The following POGLUT1 variants were observed in gnomAD, a reference collection of about 807,000 sequenced individuals.
POGLUT1 encodes the protein 9630046K23Rik.
A neutral mutation model predicts 61.3 loss-of-function variants in POGLUT1; 32 were observed. The observed-to-expected ratio is 0.52, with a 90% CI of 0.39 to 0.70. POGLUT1 has a LOEUF of 0.70. Among genes scored for constraint, POGLUT1 ranks in the 30% least tolerant of loss-of-function variants. The probability of loss-of-function intolerance (pLI) is 0.00; values close to 1 mark genes in which losing one functional copy is unlikely to be tolerated. For missense variants in POGLUT1, 411 were observed against 469.8 expected (o/e 0.87, Z 1.16); for synonymous variants, 158 against 158.2 (o/e 1.00, Z 0.01).
Position 119,469,014 on chromosome 3 carries a change from T to G in POGLUT1, c.-8T>G, listed in dbSNP as rs751766526. ...CGCAGCGGGGAATCTGCAGTAGGTC[T>G]GCCGGCGATGGAGTGGTGGGCTAGC... On this transcript the variant is annotated 5_prime_UTR_variant, in exon 1 of 11. Coordinates refer to ENST00000295588, the MANE Select transcript of POGLUT1 (RefSeq NM_152305.3). 4.4e-6 allele frequency: 7 copies of G among 1,606,074 alleles called. No individual in the cohort carries two copies. Among genetic ancestry groups the G allele is most frequent in the Non-Finnish European group, 5.9e-6 (7 of 1,177,530 alleles).
chr3:119,471,265 A>G (rs763156530), intron 2 of POGLUT1, 44 bp from the exon 3 acceptor site: 11 of 1,596,736 alleles, frequency 6.9e-6, no homozygotes, highest in Non-Finnish European at 8.6e-6. Flanking sequence ...GAATGGCACC[A>G]CTCTCTTGGC....
intron 5 of POGLUT1, among the ~76,000 whole-genome samples, chr3:119,481,186 T>TGGAAGAATATAAACATAC (rs2081602376): frequency 1.1e-4 from 16 of 152,200 alleles, no homozygotes; most frequent in Admixed American, 9.8e-4. Context: ...GCTAAGTAGT[T>TGGAAGAATATAAACATAC]TAGGCAGGGC....
intron 9 of POGLUT1, among the ~76,000 whole-genome samples, 165 bp from the exon 10 acceptor site, chr3:119,491,350 TTTG>T (rs1351790178): frequency 6.6e-6 from 1 of 151,252 alleles, no homozygotes; most frequent in Non-Finnish European, 1.5e-5. Context: ...GGGGTTTTTT[TTTG>T]TTATTATTTT....
chr3:119,477,022 A>T (rs1415297560), intron 3 of POGLUT1, among the ~76,000 whole-genome samples: 1 of 152,246 alleles, frequency 6.6e-6, no homozygotes, highest in East Asian at 1.9e-4. Flanking sequence ...ACTGGAATGA[A>T]TAAAGTGGTA....
chr3:119,478,904 AGG>A (rs151240773), intron 4 of POGLUT1, among the ~76,000 whole-genome samples: 39,063 of 142,594 alleles, frequency 0.27, 6,058 homozygotes, highest in Admixed American at 0.34. Flanking sequence ...AAAAAAAAAA[AGG>A]GGGGAACATA....
intron 3 of POGLUT1, among the ~76,000 whole-genome samples, chr3:119,473,806 G>A (rs1490955359): frequency 1.3e-5 from 2 of 151,730 alleles, no homozygotes; most frequent in Non-Finnish European, 2.9e-5. Flanking sequence ...GACTACAGGC[G>A]CCCGCCACCA....
chr3:119,469,250 C>G, intron 1 of POGLUT1, 144 bp downstream of exon 1: 1 of 669,140 alleles, frequency 1.5e-6, no homozygotes, highest in Non-Finnish European at 2.6e-6. Flanking sequence ...GGGCGCCTTG[C>G]GGCGGAGAGT....
chr3:119,485,640 A>G (rs2081656080), intron 6 of POGLUT1, among the ~76,000 whole-genome samples: 2 of 152,220 alleles, frequency 1.3e-5, no homozygotes, highest in South Asian at 4.1e-4. Context: ...AGTGTCACAA[A>G]TGTGTCGGTC....
intron 5 of POGLUT1, among the ~76,000 whole-genome samples, chr3:119,485,012 A>C (rs911108186): frequency 9.2e-5 from 14 of 152,210 alleles, no homozygotes; most frequent in African/African-American, 3.4e-4. Context: ...GTCAGGAGAT[A>C]GAGACCATCC....
In POGLUT1 at chr3:119,483,948, A is replaced by G. The variant is rs530577238; in HGVS notation, c.579-1380A>G. Reference sequence around the variant, plus strand: ...AAATGTTACATTGTTACCTCTGGACAGGGAGATTCCAGACGACTTCTTACT... The same window carrying G: ...AAATGTTACATTGTTACCTCTGGACGGGGAGATTCCAGACGACTTCTTACT... On this transcript the variant is annotated intron_variant, in intron 5 of 10. Transcript: ENST00000295588. 2.8e-4 allele frequency among the ~76,000 whole-genome samples: 43 copies of G among 152,388 alleles called. No homozygotes were observed. In the East Asian group the frequency reaches 7.9e-3, roughly 28 times the overall value.
intron 7 of POGLUT1, among the ~76,000 whole-genome samples, chr3:119,487,326 G>A (rs184299187): frequency 1.8e-3 from 268 of 152,256 alleles, no homozygotes; most frequent in African/African-American, 6.2e-3. Flanking sequence ...GGTGGCTCAT[G>A]CCTGTAATCC....
intron 3 of POGLUT1, among the ~76,000 whole-genome samples, chr3:119,472,348 T>G (rs1018525010): frequency 6.6e-6 from 1 of 152,210 alleles, no homozygotes; most frequent in African/African-American, 2.4e-5. Context: ...CAAAAAATTA[T>G]CGATTCGTTC....
rs1347646686 is a variant in POGLUT1 at position 119,494,156 on chromosome 3, TA to T, written c.*1719del. On this transcript the variant is annotated 3_prime_UTR_variant, in exon 11 of 11. Coordinates refer to ENST00000295588, the MANE Select transcript of POGLUT1 (RefSeq NM_152305.3). ...CATAGTACTTTGTTTATGCCTGTATTATATGACATCACTGTAGTTGCTTGAC... is the reference window on the plus strand; with the variant it reads ...CATAGTACTTTGTTTATGCCTGTATTTATGACATCACTGTAGTTGCTTGAC... The T allele has an allele frequency of 6.6e-6, 1 of 152,210 alleles. No homozygotes were observed. Among genetic ancestry groups the T allele is most frequent in the Non-Finnish European group, 1.5e-5 (1 of 68,034 alleles). The allele number at this position is 152,210 out of a possible 1,614,324, so 9.4% of individuals were successfully genotyped here. A position where few individuals can be genotyped will look rare whatever the true frequency, so the allele number is the denominator to read the frequency against.
intron 3 of POGLUT1, among the ~76,000 whole-genome samples, chr3:119,475,995 A>ACCCAC (rs1560031865): frequency 3.3e-5 from 1 of 30,756 alleles, no homozygotes; most frequent in East Asian, 1.7e-3. Context: ...CACACACACA[A>ACCCAC]ACACATACAG....
rs528162751 is a variant in POGLUT1 at position 119,477,856 on chromosome 3, A to G, written c.456+408A>G. ...ATATTCAGCCATAGTGCTGGGTATC[A>G]GCTGTCCCATCTGTCACCATATTCC... On this transcript the variant is annotated intron_variant, in intron 4 of 10. Coordinates refer to ENST00000295588, the MANE Select transcript of POGLUT1 (RefSeq NM_152305.3). 1.0e-3 allele frequency among the ~76,000 whole-genome samples: 157 copies of G among 152,346 alleles called. 1 individual carries two copies. Among genetic ancestry groups the G allele is most frequent in the Non-Finnish European group, 8.8e-5 (6 of 68,036 alleles).
intron 5 of POGLUT1, among the ~76,000 whole-genome samples, chr3:119,480,459 G>T (rs571935684): frequency 6.6e-6 from 1 of 152,010 alleles, no homozygotes; most frequent in East Asian, 2.0e-4. Context: ...TGTTGGTCAG[G>T]CTGGTCTTGA....
intron 5 of POGLUT1, among the ~76,000 whole-genome samples, chr3:119,484,403 G>A (rs1375002115): frequency 6.6e-6 from 1 of 152,152 alleles, no homozygotes; most frequent in Non-Finnish European, 1.5e-5. Flanking sequence ...GTGCAGGGAG[G>A]GTTCCTACGA....
chr3:119,482,266 T>C (rs572197607), intron 5 of POGLUT1, among the ~76,000 whole-genome samples: 1 of 152,350 alleles, frequency 6.6e-6, no homozygotes, highest in South Asian at 2.1e-4. Context: ...AACCTATATA[T>C]GCTCATAAAA....
chr3:119,479,967 G>C (rs375602585), intron 4 of POGLUT1, 84 bp from the exon 5 acceptor site: 1 of 1,598,004 alleles, frequency 6.3e-7, no homozygotes, highest in Admixed American at 1.7e-5. Context: ...AACCAAGGCT[G>C]TCCAGATCCT....
Sources: gnomAD v4.1 joint callset for allele counts (sites outside exome capture counted in the v4.1 genomes callset) on GRCh38, gnomAD v4.1.1 for gene constraint, MANE v1.5 for transcripts, NCBI Gene and HGNC (gene_info 2026-07-23, HGNC 2026-07-21) for gene names.